VGLL4: variants seen among roughly 807,000 people sequenced by gnomAD.
VGLL4 encodes the protein transcription cofactor vestigial-like protein 4.
Under a neutral mutation model 21.0 loss-of-function variants are expected in VGLL4, and 7 were observed. The ratio of observed to expected loss-of-function variants is 0.33; its 90% CI spans 0.19 to 0.63. The LOEUF is 0.63. Ranked by LOEUF, VGLL4 falls within the 20% of genes least tolerant of loss-of-function variation. VGLL4 has a pLI of 0.78. For missense variants in VGLL4, 394 were observed against 425.7 expected, an observed-to-expected ratio of 0.93 and a Z score of 0.66; for synonymous variants, 222 against 173.2, an observed-to-expected ratio of 1.28 and a Z score of -2.21.
At position 11,556,496 on chromosome 3, in the gene VGLL4, G is replaced by A. The variant is rs576319889; in HGVS notation, c.*2060C>T. ...CAGCTGTGGGTGGTTTTCCTGTTAC[G>A]ACGCTCAGTAGCCTGTAGCAATAAC... On this transcript the variant is annotated 3_prime_UTR_variant, in exon 5 of 5. Coordinates refer to ENST00000430365, the MANE Select transcript of VGLL4 (RefSeq NM_001128219.3). 3.3e-5 allele frequency: 5 copies of A among 152,708 alleles called. No homozygotes were observed. Among genetic ancestry groups the A allele is most frequent in the South Asian group, 4.2e-4 (2 of 4,808 alleles). The allele number at this position is 152,708 out of a possible 1,614,324, so 9.5% of individuals were successfully genotyped here. A position where few individuals can be genotyped will look rare whatever the true frequency, so the allele number is the denominator to read the frequency against.
chr3:11,699,967 C>T (rs1473451786), intron 2 of VGLL4, among the ~76,000 whole-genome samples: 1 of 152,158 alleles, frequency 6.6e-6, no homozygotes, highest in Non-Finnish European at 1.5e-5. Flanking sequence ...TTAGCAGTAT[C>T]GTTTTGTTTC....
At chr3:11,583,106 G>A (rs2074276378) in intron 2 of VGLL4, among the ~76,000 whole-genome samples, 1 of 152,160 alleles carries the variant, frequency 6.6e-6, no homozygotes, top group African/African-American at 2.4e-5. Flanking sequence ...ATTTCCACCT[G>A]CCCACTACCT....
intron 2 of VGLL4, among the ~76,000 whole-genome samples, chr3:11,665,976 C>T (rs1369054383): frequency 3.9e-5 from 6 of 152,262 alleles, no homozygotes; most frequent in Admixed American, 1.3e-4. Flanking sequence ...CTGGGCCGGG[C>T]GCGGTGGCTC....
chr3:11,685,847 A>G (rs2076440064), intron 2 of VGLL4, among the ~76,000 whole-genome samples: 1 of 152,134 alleles, frequency 6.6e-6, no homozygotes, highest in Non-Finnish European at 1.5e-5. Context: ...GCGAGACTCC[A>G]TCTCAAAAAA....
intron 2 of VGLL4, among the ~76,000 whole-genome samples, chr3:11,688,103 C>G (rs1416898141): frequency 6.6e-6 from 1 of 152,056 alleles, no homozygotes; most frequent in African/African-American, 2.4e-5. Flanking sequence ...ACAAAAGTTA[C>G]TATTATTGAA....
At chr3:11,569,841 A>G (rs2073705226) in intron 2 of VGLL4, among the ~76,000 whole-genome samples, 1 of 152,192 alleles carries the variant, frequency 6.6e-6, no homozygotes, top group African/African-American at 2.4e-5. Flanking sequence ...TGGTCACGCC[A>G]CTGCACTTTA....
intron 2 of VGLL4, among the ~76,000 whole-genome samples, chr3:11,596,606 T>A (rs1238613662): frequency 2.0e-5 from 3 of 152,266 alleles, no homozygotes; most frequent in South Asian, 2.1e-4. Context: ...GCTCTTTCCA[T>A]GGAAAGGATC....
At chr3:11,675,139 C>T (rs546970193) in intron 2 of VGLL4, among the ~76,000 whole-genome samples, 68 of 152,102 alleles carry the variant, frequency 4.5e-4, no homozygotes, top group Non-Finnish European at 8.7e-4. Flanking sequence ...GTCAGGAGTT[C>T]GAGACCAGCC....
At chr3:11,588,471 G>T (rs1559882683) in intron 2 of VGLL4, among the ~76,000 whole-genome samples, 1 of 152,224 alleles carries the variant, frequency 6.6e-6, no homozygotes, top group Non-Finnish European at 1.5e-5. Flanking sequence ...CGCCCATGGA[G>T]ATGGGCCTTG....
At chr3:11,574,785 A>ATATATGTG (rs1305114995) in intron 2 of VGLL4, among the ~76,000 whole-genome samples, 2 of 121,700 alleles carry the variant, frequency 1.6e-5, no homozygotes, top group Non-Finnish European at 3.3e-5. Flanking sequence ...TCAACTATAT[A>ATATATGTG]TGTGTGTGTG....
chr3:11,712,643 T>C (rs750624398), intron 1 of VGLL4, among the ~76,000 whole-genome samples: 4 of 152,154 alleles, frequency 2.6e-5, no homozygotes, highest in Non-Finnish European at 5.9e-5. Context: ...AATTCAAGTC[T>C]CTCAATTCTC....
At chr3:11,590,181 G>C (rs764418276) in intron 2 of VGLL4, among the ~76,000 whole-genome samples, 1 of 152,092 alleles carries the variant, frequency 6.6e-6, no homozygotes, top group Non-Finnish European at 1.5e-5. Context: ...AGTGGCGAGG[G>C]GTGTCACTCC....
intron 2 of VGLL4, among the ~76,000 whole-genome samples, 184 bp downstream of exon 2, chr3:11,601,649 G>T (rs923747736): frequency 2.0e-5 from 3 of 152,202 alleles, no homozygotes; most frequent in Non-Finnish European, 4.4e-5. Flanking sequence ...CCACCTCACC[G>T]CGAGTTATCA....
intron 1 of VGLL4, among the ~76,000 whole-genome samples, chr3:11,623,749 C>CCT (rs200636430): frequency 0.3 from 37,301 of 123,570 alleles, 6,524 homozygotes; most frequent in African/African-American, 0.56. Context: ...TGAAAATTTT[C>CCT]TTTTTTTTTT....
intron 1 of VGLL4, among the ~76,000 whole-genome samples, chr3:11,714,196 A>G (rs889641241): frequency 3.3e-5 from 5 of 152,210 alleles, no homozygotes; most frequent in African/African-American, 1.2e-4. Context: ...TCACGGCCCT[A>G]TGCAATGCTG....
intron 1 of VGLL4, among the ~76,000 whole-genome samples, chr3:11,609,593 C>G (rs184492241): frequency 3.2e-4 from 49 of 152,318 alleles, no homozygotes; most frequent in Non-Finnish European, 6.2e-4. Context: ...AAGGCCATGA[C>G]CTTCAACACA....
At chr3:11,654,553 C>T (rs899490944) in intron 2 of VGLL4, among the ~76,000 whole-genome samples, 3 of 152,296 alleles carry the variant, frequency 2.0e-5, no homozygotes, top group East Asian at 1.9e-4. Context: ...ACCTTATTAG[C>T]TTTGCAAAAG....
At chr3:11,665,998 C>A (rs1357995153) in intron 2 of VGLL4, among the ~76,000 whole-genome samples, 1 of 152,126 alleles carries the variant, frequency 6.6e-6, no homozygotes, top group Non-Finnish European at 1.5e-5. Flanking sequence ...CGCCTGTAAT[C>A]CCAACACTTT....
chr3:11,625,655 G>A (rs1376930452), intron 1 of VGLL4, among the ~76,000 whole-genome samples: 4 of 152,100 alleles, frequency 2.6e-5, no homozygotes, highest in Non-Finnish European at 5.9e-5. Context: ...AGGCAGCATT[G>A]TAGTCTGTGT....
Sources: allele counts gnomAD v4.1 joint callset (sites outside exome capture counted in the v4.1 genomes callset), GRCh38; gene constraint gnomAD v4.1.1; transcripts MANE v1.5; gene names NCBI Gene and HGNC (gene_info 2026-07-23, HGNC 2026-07-21).